The following SPAG16 variants were observed in gnomAD, a reference collection of about 807,000 sequenced individuals.
SPAG16 encodes the protein sperm associated antigen 16.
In SPAG16, 86 loss-of-function variants were observed where a neutral mutation model predicts 80.4. The ratio of observed to expected loss-of-function variants is 1.07; its 90% CI spans 0.90 to 1.28. The LOEUF (loss-of-function observed/expected upper bound fraction) is 1.28, where lower values mean the gene tolerates loss of function less well. SPAG16 is among the 50% of genes most tolerant of loss of function. SPAG16 has a pLI of 0.00. For synonymous variants in SPAG16, 294 were observed against 265.9 expected (o/e 1.11, Z -1.03); for missense variants, 870 against 765.3 (o/e 1.14, Z -1.61).
At chr2:214,247,289 C>CT (rs757510002) in intron 15 of SPAG16, among the ~76,000 whole-genome samples, 2 of 151,890 alleles carry the variant, frequency 1.3e-5, no homozygotes, top group Admixed American at 1.3e-4. Context: ...TCTTTTATAT[C>CT]TTTTTTCCAA....
At chr2:214,280,109 T>A (rs1298459760) in intron 15 of SPAG16, among the ~76,000 whole-genome samples, 1 of 152,120 alleles carries the variant, frequency 6.6e-6, no homozygotes, top group Non-Finnish European at 1.5e-5. Flanking sequence ...AAGGAAAGTA[T>A]AAATAGCAGG....
chr2:213,635,224 A>T (rs958198258), intron 10 of SPAG16, among the ~76,000 whole-genome samples: 3 of 151,540 alleles, frequency 2.0e-5, no homozygotes, highest in Admixed American at 1.3e-4. Flanking sequence ...TGTAATAGAG[A>T]TGGGGTTTCA....
At chr2:213,623,857 A>G (rs190077036) in intron 10 of SPAG16, among the ~76,000 whole-genome samples, 3 of 152,198 alleles carry the variant, frequency 2.0e-5, no homozygotes, top group Admixed American at 1.3e-4. Context: ...TAATTCTGTA[A>G]CAATAAATAT....
chr2:213,450,605 G>A (rs767713523), intron 9 of SPAG16, among the ~76,000 whole-genome samples: 1 of 151,908 alleles, frequency 6.6e-6, no homozygotes, highest in Non-Finnish European at 1.5e-5. Context: ...CATTATTTTG[G>A]CTGATCTATT....
intron 15 of SPAG16, among the ~76,000 whole-genome samples, chr2:214,190,983 T>A (rs1280448194): frequency 1.3e-5 from 2 of 152,162 alleles, no homozygotes; most frequent in Non-Finnish European, 2.9e-5. Context: ...AGGTTTAGAT[T>A]ATTCAATTTA....
chr2:213,896,582 A>ACACACACATG (rs1394984014), intron 11 of SPAG16, among the ~76,000 whole-genome samples: 7 of 79,238 alleles, frequency 8.8e-5, no homozygotes, highest in Admixed American at 1.7e-4. Context: ...TGATATATAC[A>ACACACACATG]CACACACACG....
At chr2:214,098,832 T>A (rs2052782547) in intron 13 of SPAG16, among the ~76,000 whole-genome samples, 1 of 152,088 alleles carries the variant, frequency 6.6e-6, no homozygotes, top group Admixed American at 6.6e-5. Context: ...TGTGAAGAGT[T>A]TACTTTGGAT....
intron 15 of SPAG16, chr2:214,281,039 C>T (rs2125913616): frequency 2.5e-6 from 1 of 405,146 alleles, no homozygotes; most frequent in East Asian, 6.0e-5. Flanking sequence ...CTCAGGGCGC[C>T]AGAAACTTTA....
chr2:214,140,120 G>T (rs746462119), intron 14 of SPAG16, among the ~76,000 whole-genome samples: 36 of 152,084 alleles, frequency 2.4e-4, no homozygotes, highest in Non-Finnish European at 4.7e-4. Flanking sequence ...AGATTTCTGA[G>T]ACTGTATTTC....
chr2:214,301,028 T>TATA (rs71037363), intron 15 of SPAG16, among the ~76,000 whole-genome samples: 16,485 of 141,652 alleles, frequency 0.12, 914 homozygotes, highest in Middle Eastern at 0.14. Context: ...AAACTTAAAG[T>TATA]ATAATAATAA....
intron 12 of SPAG16, among the ~76,000 whole-genome samples, chr2:213,960,151 G>A (rs1278793521): frequency 6.6e-6 from 1 of 152,008 alleles, no homozygotes; most frequent in Non-Finnish European, 1.5e-5. Context: ...GCTCAAATAT[G>A]CCTTTGAATC....
intron 8 of SPAG16, among the ~76,000 whole-genome samples, chr2:213,368,456 T>C (rs1466006689): frequency 1.3e-5 from 2 of 152,164 alleles, no homozygotes; most frequent in Non-Finnish European, 2.9e-5. Context: ...ACAGCCAATA[T>C]CATACTGAAT....
intron 4 of SPAG16, among the ~76,000 whole-genome samples, chr2:213,312,372 A>C (rs570612971): frequency 2.0e-5 from 3 of 151,676 alleles, no homozygotes; most frequent in African/African-American, 7.2e-5. Flanking sequence ...AGAAATTAAA[A>C]TGGAGAAAAT....
chr2:213,907,497 T>C (rs1417358760), intron 11 of SPAG16, among the ~76,000 whole-genome samples: 1 of 149,788 alleles, frequency 6.7e-6, no homozygotes, highest in Non-Finnish European at 1.5e-5. Context: ...AATCTAAAAA[T>C]AGAACTGCCA....
At chr2:213,385,652 C>T (rs1185455019) in intron 9 of SPAG16, among the ~76,000 whole-genome samples, 1 of 152,092 alleles carries the variant, frequency 6.6e-6, no homozygotes, top group Non-Finnish European at 1.5e-5. Context: ...AGACAGAAGA[C>T]TCTGAATTGC....
intron 11 of SPAG16, among the ~76,000 whole-genome samples, chr2:213,924,648 TTTTGC>T (rs1002351123): frequency 4.6e-5 from 7 of 152,174 alleles, no homozygotes; most frequent in Non-Finnish European, 5.9e-5. Flanking sequence ...TACTTTTTCA[TTTTGC>T]TTTGCTTTGC....
chr2:214,123,302 G>A (rs963384366), intron 14 of SPAG16, among the ~76,000 whole-genome samples: 7 of 151,812 alleles, frequency 4.6e-5, no homozygotes, highest in Non-Finnish European at 1.0e-4. Context: ...ATAGTCAAAT[G>A]GAGTTCATTT....
At chr2:213,853,554 C>T (rs2075012962) in intron 10 of SPAG16, among the ~76,000 whole-genome samples, 1 of 152,196 alleles carries the variant, frequency 6.6e-6, no homozygotes, top group African/African-American at 2.4e-5. Context: ...GATTAAGAAG[C>T]AGGACTAGCA....
intron 10 of SPAG16, among the ~76,000 whole-genome samples, chr2:213,550,909 T>A (rs1289629783): frequency 6.6e-6 from 1 of 152,038 alleles, no homozygotes; most frequent in African/African-American, 2.4e-5. Flanking sequence ...ATGCATATTT[T>A]AAATTTTCTT....
Sources: gnomAD v4.1 joint callset for allele counts (sites outside exome capture counted in the v4.1 genomes callset) on GRCh38, gnomAD v4.1.1 for gene constraint, MANE v1.5 for transcripts, NCBI Gene and HGNC (gene_info 2026-07-23, HGNC 2026-07-21) for gene names.